The following ITGA2 variants were observed in gnomAD, a reference collection of about 807,000 sequenced individuals.
ITGA2 encodes integrin subunit alpha 2.
In ITGA2, 101 loss-of-function variants were observed where a neutral mutation model predicts 146.3. The observed-to-expected ratio is 0.69, with a 90% CI of 0.59 to 0.81. ITGA2 has a LOEUF of 0.81. Among genes scored for constraint, ITGA2 ranks in the 40% least tolerant of loss-of-function variants. The pLI is 0.00. For missense variants in ITGA2, 1,281 were observed against 1,402.7 expected, an observed-to-expected ratio of 0.91 and a Z score of 1.39; for synonymous variants, 477 against 487.1, an observed-to-expected ratio of 0.98 and a Z score of 0.27.
chr5:53,051,604 A>G (rs746714466), intron 7 of ITGA2, 45 bp downstream of exon 7: 1 of 1,557,500 alleles, frequency 6.4e-7, no homozygotes, highest in Non-Finnish European at 8.8e-7. Context: ...AATGTAAAAC[A>G]TTATATTTAT....
Position 53,074,396 on chromosome 5 carries a change from A to C in ITGA2, c.2583A>C (p.Thr861=). Residue 861 remains threonine, a synonymous_variant, in exon 21 of 30, where the codon ACA becomes ACC. Transcript: ENST00000296585. The part of the protein sequence containing the change: ...FASFSLPVDG[T]EVTCQVAASQ... ...TTGGTCTTGTTCAGGTTGATGGGAC[A>C]GAAGTAACATGCCAGGTGGCTGCAT... is the stretch of plus-strand genomic sequence containing the variant. The C allele has an allele frequency of 6.2e-7, 1 of 1,612,292 alleles. No homozygotes were observed. The highest frequency in any genetic ancestry group is 8.5e-7 in the Non-Finnish European group (1 of 1,178,854).
At position 53,078,776 on chromosome 5, in the gene ITGA2, A is replaced by G. The variant is rs929090051; in HGVS notation, c.2830A>G (p.Thr944Ala). 8 of 1,589,830 alleles carry G rather than the reference A, an allele frequency of 5.0e-6. No individual in the cohort carries two copies. In the African/African-American group the frequency reaches 8.1e-5, roughly 16 times the overall value. Residue 944 changes from threonine (T) to alanine (A), a missense_variant, in exon 24 of 30, where the codon ACC becomes GCC. Physicochemically the swap from Thr to Ala is moderately conservative, Grantham distance 58. Transcript: ENST00000296585. ...YDAEIHLTRS[T>A]NINFYEISSD... Reference sequence around the variant, plus strand: ...TTTACAAACATCATCCAACAGATCTACCAACATAAATTTTTATGAAATCTC... The same window carrying G: ...TTTACAAACATCATCCAACAGATCTGCCAACATAAATTTTTATGAAATCTC...
At position 53,000,897 on chromosome 5, in the gene ITGA2, G is replaced by GTTT. The variant is rs369482288; in HGVS notation, c.64+11384_64+11386dup. Reference sequence around the variant, plus strand: ...TTTTCTTTTTTTTCTTTTTCTTTTTGTTTTTTTTTTTTTTTTTTTTTCTTG... The same window carrying GTTT: ...TTTTCTTTTTTTTCTTTTTCTTTTTGTTTTTTTTTTTTTTTTTTTTTTTTCTTG... On this transcript the variant is annotated intron_variant, in intron 1 of 29. Coordinates refer to ENST00000296585, the MANE Select transcript of ITGA2 (RefSeq NM_002203.4). Among the ~76,000 whole-genome samples, 214 of 97,220 alleles carry GTTT rather than the reference G, an allele frequency of 2.2e-3. 3 individuals carry two copies. The highest frequency in any genetic ancestry group is 3.0e-3 in the Non-Finnish European group (150 of 49,518). The allele number at this position is 97,220 out of a possible 152,430, so 63.8% of individuals were successfully genotyped here.
chr5:53,090,934 A>G lies in ITGA2; in HGVS notation c.*335A>G. 1.8e-6 allele frequency: 1 copy of G among 547,184 alleles called. No homozygotes were observed. The highest frequency in any genetic ancestry group is 3.2e-6 in the Non-Finnish European group (1 of 310,518). The allele number at this position is 547,184 out of a possible 1,614,324, so 33.9% of individuals were successfully genotyped here. A position where few individuals can be genotyped will look rare whatever the true frequency, so the allele number is the denominator to read the frequency against. Reference sequence around the variant, plus strand: ...CTTCCAAGCATGACAACTTTTAAAGAAAAATATGATACTCTCAGATTTTAA... The same window carrying G: ...CTTCCAAGCATGACAACTTTTAAAGGAAAATATGATACTCTCAGATTTTAA... On this transcript the variant is annotated 3_prime_UTR_variant, in exon 30 of 30. Transcript: ENST00000296585.
chr5:53,071,162 T>A (rs1561142594), intron 17 of ITGA2, among the ~76,000 whole-genome samples: 1 of 151,860 alleles, frequency 6.6e-6, no homozygotes, highest in Non-Finnish European at 1.5e-5. Flanking sequence ...TAAAATCAGT[T>A]GAGTTGTTTA....
chr5:53,024,841 A>G (rs926283282), intron 1 of ITGA2, among the ~76,000 whole-genome samples: 1 of 152,220 alleles, frequency 6.6e-6, no homozygotes, highest in Admixed American at 6.5e-5. Context: ...GGGCTCAATC[A>G]TGAAGGACCT....
In ITGA2 at chr5:53,017,522, G is replaced by T. The variant is rs188030979; in HGVS notation, c.65-9226G>T. ...CTCCGATGGGGGAATGCCAGCCAAA[G>T]CTCTTTGTTGGGGTGGTGGCAGCAG... On this transcript the variant is annotated intron_variant, in intron 1 of 29. Coordinates refer to ENST00000296585, the MANE Select transcript of ITGA2 (RefSeq NM_002203.4). 2.6e-4 allele frequency among the ~76,000 whole-genome samples: 40 copies of T among 152,342 alleles called. No individual in the cohort carries two copies. The East Asian group carries it at 6.6e-3, about 25-fold the overall frequency.
chr5:53,059,001 T>C (rs1278632273), intron 10 of ITGA2, among the ~76,000 whole-genome samples: 1 of 151,978 alleles, frequency 6.6e-6, no homozygotes, highest in Non-Finnish European at 1.5e-5. Flanking sequence ...TCATGGTCTC[T>C]TATCCTCAAA....
chr5:52,998,939 C>G (rs1298799112), intron 1 of ITGA2, among the ~76,000 whole-genome samples: 1 of 152,162 alleles, frequency 6.6e-6, no homozygotes, highest in African/African-American at 2.4e-5. Flanking sequence ...GTAAGTGTAT[C>G]TGAATTTGCT....
At chr5:53,018,238 C>A (rs147678710) in intron 1 of ITGA2, among the ~76,000 whole-genome samples, 1 of 152,136 alleles carries the variant, frequency 6.6e-6, no homozygotes, top group African/African-American at 2.4e-5. Context: ...GAGGGATGGG[C>A]GTTCTTGGCC....
chr5:53,080,430 C>A, intron 24 of ITGA2, 81 bp from the exon 25 acceptor site: 1 of 1,083,314 alleles, frequency 9.2e-7, no homozygotes, highest in Non-Finnish European at 1.4e-6. Context: ...AGTTGCCCTT[C>A]ATCAACACGG....
chr5:53,004,749 T>C (rs1186693719), intron 1 of ITGA2, among the ~76,000 whole-genome samples: 1 of 151,816 alleles, frequency 6.6e-6, no homozygotes, highest in African/African-American at 2.4e-5. Context: ...CAAAAGCAGT[T>C]GTAAGGGTCC....
chr5:53,085,914 T>C lies in ITGA2; in HGVS notation c.3259-1038T>C, dbSNP rs535056190. 3.3e-5 allele frequency among the ~76,000 whole-genome samples: 5 copies of C among 150,304 alleles called. No homozygotes were observed. In the East Asian group the frequency reaches 7.9e-4, roughly 24 times the overall value. On this transcript the variant is annotated intron_variant, in intron 27 of 29. Coordinates refer to ENST00000296585, the MANE Select transcript of ITGA2 (RefSeq NM_002203.4). ...AATGTTTCTATTGAAAAAATAGACTTTTTTTTTTCCCCCAGACAGAGCCTT... is the reference window on the plus strand; with the variant it reads ...AATGTTTCTATTGAAAAAATAGACTCTTTTTTTTCCCCCAGACAGAGCCTT...
At position 53,058,355 on chromosome 5, in the gene ITGA2, C is replaced by T. The variant is rs918108614; in HGVS notation, c.1173+254C>T. Among the ~76,000 whole-genome samples, 9 of 151,900 alleles carry T rather than the reference C, an allele frequency of 5.9e-5. No individual in the cohort carries two copies. The East Asian group carries it at 1.8e-3, about 30-fold the overall frequency. On this transcript the variant is annotated intron_variant, in intron 10 of 29. Coordinates refer to ENST00000296585, the MANE Select transcript of ITGA2 (RefSeq NM_002203.4). Reference sequence around the variant, plus strand: ...GTATACCAGAAAGTCTTTGAGTACCCCAGGGCACAGACTGTATATTAACTT... The same window carrying T: ...GTATACCAGAAAGTCTTTGAGTACCTCAGGGCACAGACTGTATATTAACTT...
At chr5:53,085,895 T>G (rs1405235063) in intron 27 of ITGA2, among the ~76,000 whole-genome samples, 2 of 152,178 alleles carry the variant, frequency 1.3e-5, no homozygotes, top group African/African-American at 2.4e-5. Flanking sequence ...CAATAATGTT[T>G]CTATTGAAAA....
At chr5:53,044,812 A>G (rs187730360) in intron 3 of ITGA2, among the ~76,000 whole-genome samples, 189 bp from the exon 4 acceptor site, 402 of 152,292 alleles carry the variant, frequency 2.6e-3, no homozygotes, top group Non-Finnish European at 4.7e-3. Context: ...AGCCTCACAC[A>G]TTAATGTGCG....
chr5:53,067,034 G>C (rs1745180413), intron 15 of ITGA2, 84 bp from the exon 16 acceptor site: 1 of 1,389,482 alleles, frequency 7.2e-7, no homozygotes, highest in Admixed American at 1.7e-5. Flanking sequence ...CAGTAATGCT[G>C]GTACTGGGTC....
rs1740517116 is a variant in ITGA2 at position 53,093,158 on chromosome 5, A to C, written c.*2559A>C. 1 of 152,186 alleles carries C rather than the reference A, an allele frequency of 6.6e-6. No individual in the cohort carries two copies. The highest frequency in any genetic ancestry group is 2.1e-4 in the South Asian group (1 of 4,828). 9.4% of individuals were successfully genotyped at this position (152,186 alleles called of 1,614,324 possible). A position where few individuals can be genotyped will look rare whatever the true frequency, so the allele number is the denominator to read the frequency against. ...CTGTATATGTAAATACTAGCTTTTCAATGTGCTATACAAACAATTATAGCA... is the reference window on the plus strand; with the variant it reads ...CTGTATATGTAAATACTAGCTTTTCCATGTGCTATACAAACAATTATAGCA... On this transcript the variant is annotated 3_prime_UTR_variant, in exon 30 of 30. Transcript: ENST00000296585.
At chr5:53,072,373 G>A (rs1745436089) in intron 18 of ITGA2, among the ~76,000 whole-genome samples, 1 of 151,608 alleles carries the variant, frequency 6.6e-6, no homozygotes, top group African/African-American at 2.4e-5. Flanking sequence ...TACATATGAA[G>A]CTCTGCGTAT....
Sources: allele counts gnomAD v4.1 joint callset (sites outside exome capture counted in the v4.1 genomes callset), GRCh38; gene constraint gnomAD v4.1.1; transcripts MANE v1.5; gene names NCBI Gene and HGNC (gene_info 2026-07-23, HGNC 2026-07-21).